RUNX1: variants seen among roughly 807,000 people sequenced by gnomAD.
RUNX1 encodes the protein RUNX family transcription factor 1.
A neutral mutation model predicts 42.8 loss-of-function variants in RUNX1; 19 were observed. The observed-to-expected ratio is 0.44, with a 90% CI of 0.31 to 0.65. The LOEUF (loss-of-function observed/expected upper bound fraction) is 0.65, where lower values mean the gene tolerates loss of function less well. RUNX1 is among the 30% of genes least tolerant of loss of function. The pLI is 0.07. For missense variants in RUNX1, 528 were observed against 672.0 expected, an observed-to-expected ratio of 0.79 and a Z score of 2.37; for synonymous variants, 271 against 289.4, an observed-to-expected ratio of 0.94 and a Z score of 0.64.
At chr21:34,830,441 A>C (rs1175008951) in intron 7 of RUNX1, among the ~76,000 whole-genome samples, 3 of 152,222 alleles carry the variant, frequency 2.0e-5, no homozygotes, top group African/African-American at 4.8e-5. Context: ...AATTCTTCTT[A>C]TTATCAACAT....
chr21:34,821,385 T>A, intron 7 of RUNX1: 3 of 1,260,424 alleles, frequency 2.4e-6, no homozygotes, highest in Non-Finnish European at 3.0e-6. Flanking sequence ...GAAGGATTAA[T>A]AAATACACAC....
At chr21:34,965,086 T>C (rs1443288576) in intron 2 of RUNX1, among the ~76,000 whole-genome samples, 2 of 151,564 alleles carry the variant, frequency 1.3e-5, no homozygotes, top group African/African-American at 4.9e-5. Flanking sequence ...CATCCACACA[T>C]ACATGCTCAT....
intron 2 of RUNX1, among the ~76,000 whole-genome samples, chr21:34,911,700 C>A (rs1209887751): frequency 2.0e-5 from 3 of 152,154 alleles, no homozygotes; most frequent in African/African-American, 4.8e-5. Flanking sequence ...CTCAGAATTC[C>A]AGGCCCTGGA....
chr21:34,924,798 A>G (rs534793960), intron 2 of RUNX1, among the ~76,000 whole-genome samples: 2 of 152,296 alleles, frequency 1.3e-5, no homozygotes, highest in East Asian at 3.9e-4. Context: ...TATTTCTTAT[A>G]GTTCTGGAGG....
intron 2 of RUNX1, among the ~76,000 whole-genome samples, chr21:35,006,576 C>T (rs570092528): frequency 9.9e-5 from 15 of 152,264 alleles, no homozygotes; most frequent in African/African-American, 3.1e-4. Context: ...CTCTCTGGAT[C>T]AGAAGAGGAG....
intron 2 of RUNX1, among the ~76,000 whole-genome samples, chr21:34,954,096 T>G (rs2058627992): frequency 6.6e-6 from 1 of 152,246 alleles, no homozygotes; most frequent in Non-Finnish European, 1.5e-5. Flanking sequence ...AACTGCAAGT[T>G]TGTGTCACTT....
rs180967837 is a variant in RUNX1, at chr21:34,834,693, G to C, written c.614-92C>G. ...AGTATTGTGGATTTCCTAAAACTGGGGCTTTTCTTGTCTTTCCCCTCTCTC... is the reference window on the plus strand; with the variant it reads ...AGTATTGTGGATTTCCTAAAACTGGCGCTTTTCTTGTCTTTCCCCTCTCTC... On this transcript the variant is annotated intron_variant, in intron 6 of 8. Coordinates refer to ENST00000675419, the MANE Select transcript of RUNX1 (RefSeq NM_001754.5). 1.8e-3 allele frequency: 2,132 copies of C among 1,152,738 alleles called. 5 individuals are homozygous for C. The highest frequency in any genetic ancestry group is 2.4e-3 in the Non-Finnish European group (1,945 of 800,528). 71.4% of individuals were successfully genotyped at this position (1,152,738 alleles called of 1,614,324 possible). A position where few individuals can be genotyped will look rare whatever the true frequency, so the allele number is the denominator to read the frequency against.
intron 2 of RUNX1, among the ~76,000 whole-genome samples, chr21:35,043,431 T>C (rs1257917816): frequency 6.6e-6 from 1 of 152,190 alleles, no homozygotes; most frequent in Non-Finnish European, 1.5e-5. Flanking sequence ...GAAGATTTCT[T>C]GAAAAATGGG....
rs769876579 is a variant in RUNX1 at position 34,887,108 on chromosome 21, C to T, written c.98-12G>A. 6.3e-7 allele frequency: 1 copy of T among 1,597,956 alleles called. No individual in the cohort carries two copies. The highest frequency in any genetic ancestry group is 8.5e-7 in the Non-Finnish European group (1 of 1,179,812). ...GCTCGTGCTGGCATCTACGGGGATA[C>T]GCATCACAACAAGCCGATTGAGTTA... On this transcript the variant is annotated splice_polypyrimidine_tract_variant and intron_variant, in intron 3 of 8. Coordinates refer to ENST00000675419, the MANE Select transcript of RUNX1 (RefSeq NM_001754.5).
chr21:34,938,173 C>A (rs2834682), intron 2 of RUNX1, among the ~76,000 whole-genome samples: 7,268 of 152,138 alleles, frequency 0.048, 571 homozygotes, highest in African/African-American at 0.17. Context: ...ATATTAAATG[C>A]CTATATGTAT....
At chr21:34,805,406 C>T (rs2056665589) in intron 7 of RUNX1, among the ~76,000 whole-genome samples, 1 of 152,178 alleles carries the variant, frequency 6.6e-6, no homozygotes, top group Admixed American at 6.5e-5. Context: ...ACCAAATCTA[C>T]ACCCAGGCAT....
chr21:34,909,098 T>C lies in RUNX1; in HGVS notation c.59-16135A>G, dbSNP rs141884503. On this transcript the variant is annotated intron_variant, in intron 2 of 8. Transcript: ENST00000675419. ...TCTTAAAGTTCAACTTGTCTAGGAT[T>C]GTACTAAAGGCCGCATTGCAGGTAG... 1.1e-3 allele frequency among the ~76,000 whole-genome samples: 172 copies of C among 152,306 alleles called. 1 individual carries two copies. Among genetic ancestry groups the C allele is most frequent in the Admixed American group, 2.9e-3 (45 of 15,302 alleles).
intron 7 of RUNX1, among the ~76,000 whole-genome samples, chr21:34,818,513 C>T (rs2056863607): frequency 1.3e-5 from 2 of 152,064 alleles, no homozygotes; most frequent in African/African-American, 4.8e-5. Flanking sequence ...CAGCCTGCAC[C>T]TCCTCGACTG....
At position 34,789,708 on chromosome 21, in the gene RUNX1, G is replaced by A. The variant is rs540338558; in HGVS notation, c.*2427C>T. 127 of 233,170 alleles carry A rather than the reference G, an allele frequency of 5.4e-4. No individual in the cohort carries two copies. Among genetic ancestry groups the A allele is most frequent in the African/African-American group, 2.7e-3 (122 of 45,410 alleles). The allele number at this position is 233,170 out of a possible 1,614,324, so 14.4% of individuals were successfully genotyped here. On this transcript the variant is annotated 3_prime_UTR_variant, in exon 9 of 9. Transcript: ENST00000675419. ...TTAAATACTATATATGCTGGTAAGA[G>A]TCTGTGAAACTCTAAATGACCAATC...
intron 2 of RUNX1, among the ~76,000 whole-genome samples, chr21:34,964,511 AAAG>A (rs1302945805): frequency 2.0e-5 from 3 of 151,974 alleles, no homozygotes; most frequent in Non-Finnish European, 4.4e-5. Context: ...AAAGAAAAGA[AAAG>A]AAGTTCAGAT....
intron 2 of RUNX1, among the ~76,000 whole-genome samples, chr21:35,000,882 A>G (rs2059037008): frequency 6.6e-6 from 1 of 152,170 alleles, no homozygotes; most frequent in African/African-American, 2.4e-5. Context: ...TCCCTGAGCC[A>G]CTTCTTCTGG....
intron 2 of RUNX1, among the ~76,000 whole-genome samples, chr21:34,985,318 C>G (rs904654298): frequency 2.0e-5 from 3 of 152,188 alleles, no homozygotes; most frequent in Non-Finnish European, 4.4e-5. Flanking sequence ...GTCTTGGGTT[C>G]AGGCCCATCG....
chr21:35,008,003 G>A (rs892767827), intron 2 of RUNX1, among the ~76,000 whole-genome samples: 16 of 151,672 alleles, frequency 1.1e-4, no homozygotes, highest in Admixed American at 3.9e-4. Flanking sequence ...TCTACCCCAC[G>A]GCCACCACCC....
intron 2 of RUNX1, among the ~76,000 whole-genome samples, chr21:35,026,570 A>C (rs1173244484): frequency 2.6e-5 from 4 of 152,194 alleles, no homozygotes; most frequent in African/African-American, 9.7e-5. Context: ...AAAGCATTAC[A>C]TACTGCAGAA....
Sources: allele counts gnomAD v4.1 joint callset (sites outside exome capture counted in the v4.1 genomes callset), GRCh38; gene constraint gnomAD v4.1.1; transcripts MANE v1.5; gene names NCBI Gene and HGNC (gene_info 2026-07-23, HGNC 2026-07-21).